LAMA3: variants seen among roughly 807,000 people sequenced by gnomAD.
The protein encoded by LAMA3 is laminin subunit alpha 3.
In LAMA3, 281 loss-of-function variants were observed where a neutral mutation model predicts 402.0. That is an observed-to-expected ratio of 0.70 (90% CI 0.63 to 0.77). The LOEUF (loss-of-function observed/expected upper bound fraction) is 0.77. Among genes scored for constraint, LAMA3 ranks in the 30% least tolerant of loss-of-function variants. The pLI is 0.00. For missense variants in LAMA3, 3,840 were observed against 4,215.5 expected, an observed-to-expected ratio of 0.91 and a Z score of 2.47; for synonymous variants, 1,431 against 1,558.4, an observed-to-expected ratio of 0.92 and a Z score of 1.93.
chr18:23,907,568 A>G lies in LAMA3; in HGVS notation c.6737A>G (p.Asn2246Ser), dbSNP rs2081289531. The G allele has an allele frequency of 1.9e-6, 3 of 1,613,486 alleles. No homozygotes were observed. The highest frequency in any genetic ancestry group is 2.5e-6 in the Non-Finnish European group (3 of 1,179,518). Residue 2246 changes from asparagine (N) to serine (S), a missense_variant, in exon 53 of 75, where the codon AAC (asparagine) becomes AGC (serine). Asn to Ser is a conservative substitution (Grantham distance 46). Around this residue, in one of 3 missense-constraint regions of LAMA3, gnomAD observed 891 missense variants for 857.5 expected, o/e 1.04. Coordinates refer to ENST00000313654, the MANE Select transcript of LAMA3 (RefSeq NM_198129.4). ...ATTTTAGAAGTCAGTCCAGCTCTCA[A>G]CAACCTACAGCAAACCCTGAATATT... ...KLKQEVSPAL[N>S]NLQQTLNIVT... is the part of the protein sequence containing the mutation.
At chr18:23,841,583 A>G (rs1033353021) in intron 27 of LAMA3, among the ~76,000 whole-genome samples, 2 of 152,286 alleles carry the variant, frequency 1.3e-5, no homozygotes, top group African/African-American at 4.8e-5. Context: ...GACAAAAGGG[A>G]CAAGGGTATA....
intron 72 of LAMA3, among the ~76,000 whole-genome samples, chr18:23,950,781 T>C (rs2082881160): frequency 6.6e-6 from 1 of 152,166 alleles, no homozygotes; most frequent in African/African-American, 2.4e-5. Context: ...TGCCCAAAAT[T>C]CCTAGAATAC....
At chr18:23,756,901 G>A (rs963537209) in intron 6 of LAMA3, among the ~76,000 whole-genome samples, 4 of 149,878 alleles carry the variant, frequency 2.7e-5, no homozygotes, top group Non-Finnish European at 5.9e-5. Context: ...TCCCCTCCAA[G>A]CCTCCCCGCT....
chr18:23,865,046 C>T (rs1161220791), intron 36 of LAMA3, among the ~76,000 whole-genome samples, 163 bp downstream of exon 36: 2 of 152,204 alleles, frequency 1.3e-5, no homozygotes, highest in African/African-American at 4.8e-5. Flanking sequence ...AACATCTTTT[C>T]AGGATCCTGC....
At chr18:23,767,267 A>C (rs568818021) in intron 8 of LAMA3, among the ~76,000 whole-genome samples, 26 of 152,380 alleles carry the variant, frequency 1.7e-4, no homozygotes, top group African/African-American at 6.0e-4. Context: ...GGATTGGAAG[A>C]ATTAGTAACA....
At chr18:23,795,271 GA>G (rs2062740420) in intron 12 of LAMA3, among the ~76,000 whole-genome samples, 2 of 152,220 alleles carry the variant, frequency 1.3e-5, no homozygotes, top group African/African-American at 4.8e-5. Flanking sequence ...TAGCAAGGGA[GA>G]AAACAGACAG....
intron 4 of LAMA3, 83 bp downstream of exon 4, chr18:23,749,629 C>A: frequency 1.2e-6 from 1 of 869,360 alleles, no homozygotes; most frequent in Non-Finnish European, 2.0e-6. Context: ...GCGAAACTTG[C>A]ACTTTCAAGG....
At chr18:23,737,977 C>T (rs1404852690) in intron 2 of LAMA3, among the ~76,000 whole-genome samples, 1 of 152,176 alleles carries the variant, frequency 6.6e-6, no homozygotes, top group African/African-American at 2.4e-5. Flanking sequence ...TTGGGTCACG[C>T]TGAGCTGGGG....
At chr18:23,861,307 C>T (rs2064213688) in intron 34 of LAMA3, among the ~76,000 whole-genome samples, 1 of 152,118 alleles carries the variant, frequency 6.6e-6, no homozygotes. Flanking sequence ...AAGGAGCTTG[C>T]CATTAAATGC....
chr18:23,730,471 G>A (rs542290091), intron 2 of LAMA3, among the ~76,000 whole-genome samples: 3 of 149,942 alleles, frequency 2.0e-5, no homozygotes, highest in Non-Finnish European at 4.4e-5. Flanking sequence ...GGGCTCAAGC[G>A]ATTCTCCTGA....
intron 2 of LAMA3, among the ~76,000 whole-genome samples, chr18:23,743,301 C>G (rs368919225): frequency 6.6e-6 from 1 of 152,168 alleles, no homozygotes; most frequent in Non-Finnish European, 1.5e-5. Context: ...ATATCCCCCC[C>G]AGGGGAGTTG....
chr18:23,930,220 G>T (rs1313357747), intron 64 of LAMA3, among the ~76,000 whole-genome samples: 2 of 152,164 alleles, frequency 1.3e-5, no homozygotes, highest in Non-Finnish European at 1.5e-5. Flanking sequence ...TTAAATTAAT[G>T]ATTGACAGGA....
chr18:23,715,584 G>A (rs1354590006), intron 2 of LAMA3, among the ~76,000 whole-genome samples: 1 of 152,196 alleles, frequency 6.6e-6, no homozygotes, highest in East Asian at 1.9e-4. Flanking sequence ...TCATTGAAAA[G>A]CCAGGTAAAG....
Position 23,713,921 on chromosome 18 carries a change from G to T in LAMA3, c.296G>T (p.Gly99Val). 6.2e-7 allele frequency: 1 copy of T among 1,608,942 alleles called. No individual in the cohort carries two copies. Among genetic ancestry groups the T allele is most frequent in the Non-Finnish European group, 8.5e-7 (1 of 1,178,722 alleles). ...AAAAACCCACTTTTTTTTTTTCAGGGCCAGTTCTGTGACTATTGCAATTCT... is the reference window on the plus strand; with the variant it reads ...AAAAACCCACTTTTTTTTTTTCAGGTCCAGTTCTGTGACTATTGCAATTCT... The part of the protein sequence containing the change: ...TAPGSGHTIQ[G>V]QFCDYCNSED... The change falls in exon 2 of 75, where the codon GGC becomes GTC. Residue 99 changes from glycine to valine, a missense_variant and splice_region_variant. By Grantham distance (109) the Gly-to-Val change is moderately radical (BLOSUM62 -3). Around this residue, in one of 3 missense-constraint regions of LAMA3, gnomAD observed 2,109 missense variants for 2,376.0 expected, o/e 0.89. Transcript: ENST00000313654.
chr18:23,905,452 GATAGAAATCTTATTCCA>G (rs2145162371), intron 51 of LAMA3, 53 bp from the exon 52 acceptor site: 1 of 880,406 alleles, frequency 1.1e-6, no homozygotes, highest in South Asian at 1.3e-5. Context: ...TTCAGACTAG[GATAGAAATCTTATTCCA>G]TATTTCGTAA....
chr18:23,712,832 G>A, intron 1 of LAMA3, among the ~76,000 whole-genome samples: 1 of 151,576 alleles, frequency 6.6e-6, no homozygotes, highest in East Asian at 1.9e-4. Flanking sequence ...GGAGGCTGTG[G>A]GTATAAGTTT....
chr18:23,903,354 C>T (rs1049829868), intron 49 of LAMA3, among the ~76,000 whole-genome samples: 1 of 152,160 alleles, frequency 6.6e-6, no homozygotes, highest in African/African-American at 2.4e-5. Flanking sequence ...GAGCAAATCA[C>T]TTTTGTGATA....
chr18:23,869,329 T>C (rs1367202235), intron 37 of LAMA3, among the ~76,000 whole-genome samples: 1 of 152,258 alleles, frequency 6.6e-6, no homozygotes, highest in Non-Finnish European at 1.5e-5. Context: ...CTGGCATTTA[T>C]ATAAATCGTC....
intron 1 of LAMA3, among the ~76,000 whole-genome samples, chr18:23,692,116 GCTGT>G (rs2060600452): frequency 6.6e-6 from 1 of 152,188 alleles, no homozygotes; most frequent in Admixed American, 6.5e-5. Context: ...CACGTCTTTT[GCTGT>G]CTAAGCTACT....
Sources: gnomAD v4.1 joint callset for allele counts (sites outside exome capture counted in the v4.1 genomes callset) on GRCh38, gnomAD v4.1.1 for gene constraint, gnomAD v4.1.1 regional missense constraint, MANE v1.5 for transcripts, NCBI Gene and HGNC (gene_info 2026-07-23, HGNC 2026-07-21) for gene names.